IAPP: variants seen among roughly 807,000 people sequenced by gnomAD.
IAPP encodes the protein islet amyloid polypeptide.
A neutral mutation model predicts 2.9 loss-of-function variants in IAPP; 4 were observed. The ratio of observed to expected loss-of-function variants is 1.39; its 90% CI spans 0.69 to 3.19. The LOEUF (loss-of-function observed/expected upper bound fraction) is 3.19, where lower values mean the gene tolerates loss of function less well. IAPP is among the 30% of genes most tolerant of loss of function. The pLI is 0.01. For synonymous variants in IAPP, 40 were observed against 42.1 expected, an observed-to-expected ratio of 0.95 and a Z score of 0.19; for missense variants, 114 against 105.3, an observed-to-expected ratio of 1.08 and a Z score of -0.36.
At chr12:21,373,141 G>A in intron 1 of IAPP, 137 bp downstream of exon 1, 1 of 589,578 alleles carries the variant, frequency 1.7e-6, no homozygotes, top group Non-Finnish European at 3.0e-6. Flanking sequence ...GCTTAGAGAA[G>A]GAAATTGGGA....
intron 1 of IAPP, among the ~76,000 whole-genome samples, chr12:21,364,157 T>G (rs1939176511): frequency 6.6e-6 from 1 of 152,180 alleles, no homozygotes. Context: ...AATAAAATAC[T>G]GGCAAACCGA....
At chr12:21,375,788 C>T (rs1000045618) in intron 2 of IAPP, among the ~76,000 whole-genome samples, 2 of 152,144 alleles carry the variant, frequency 1.3e-5, no homozygotes, top group African/African-American at 4.8e-5. Context: ...GGCTTATTGT[C>T]ATCTCTGTTT....
At chr12:21,371,315 G>C (rs1017326011), upstream of IAPP, among the ~76,000 whole-genome samples, 1 of 152,150 alleles carries the variant, frequency 6.6e-6, no homozygotes, top group Non-Finnish European at 1.5e-5. Flanking sequence ...CCTGCCTCTG[G>C]AGTCTAGTCC....
chr12:21,362,462 C>A (rs1172113561), intron 1 of IAPP, among the ~76,000 whole-genome samples: 6 of 152,096 alleles, frequency 3.9e-5, no homozygotes, highest in Non-Finnish European at 5.9e-5. Flanking sequence ...ATTGTAAAGA[C>A]CATTGGTACT....
chr12:21,367,580 G>A (rs1292964315), intron 1 of IAPP, among the ~76,000 whole-genome samples: 3 of 151,742 alleles, frequency 2.0e-5, no homozygotes, highest in African/African-American at 7.3e-5. Context: ...GCCTAAAACT[G>A]AACAATCGAA....
intron 2 of IAPP, chr12:21,376,450 G>A (rs143743430): frequency 5.3e-6 from 1 of 189,416 alleles, no homozygotes; most frequent in African/African-American, 2.4e-5. Context: ...ATGTACATTG[G>A]TCATATTTAT....
chr12:21,362,677 T>A (rs932492589), intron 1 of IAPP, among the ~76,000 whole-genome samples: 4 of 152,046 alleles, frequency 2.6e-5, no homozygotes, highest in Non-Finnish European at 4.4e-5. Context: ...GAGACACGCA[T>A]AGGCTCAAAA....
intron 1 of IAPP, among the ~76,000 whole-genome samples, chr12:21,358,803 A>C (rs1565514467): frequency 6.6e-6 from 1 of 152,218 alleles, no homozygotes. Flanking sequence ...ATTCTAATAC[A>C]TAAGTCTAAA....
At chr12:21,365,334 G>A (rs1453777681) in intron 1 of IAPP, among the ~76,000 whole-genome samples, 3 of 152,168 alleles carry the variant, frequency 2.0e-5, no homozygotes, top group Admixed American at 1.3e-4. Context: ...TGGGAAAACT[G>A]GCTAGCCATA....
chr12:21,378,528 T>C lies in IAPP; in HGVS notation c.*102T>C, dbSNP rs1940375893. On this transcript the variant is annotated 3_prime_UTR_variant, in exon 3 of 3. Transcript: ENST00000240652. ...CCAGTGTGAATATATGGTCTGTGTG[T>C]CTGATGTTTGTTGCTAGGACATATA... is the stretch of plus-strand genomic sequence containing the variant. 1 of 996,862 alleles carries C rather than the reference T, an allele frequency of 1.0e-6. No homozygotes were observed. Among genetic ancestry groups the C allele is most frequent in the Admixed American group, 1.8e-5 (1 of 55,410 alleles). 61.8% of individuals were successfully genotyped at this position (996,862 alleles called of 1,614,324 possible). A position where few individuals can be genotyped will look rare whatever the true frequency, so the allele number is the denominator to read the frequency against.
chr12:21,368,034 T>A (rs937986536), upstream of IAPP, among the ~76,000 whole-genome samples: 18 of 152,118 alleles, frequency 1.2e-4, no homozygotes, highest in African/African-American at 4.3e-4. Flanking sequence ...CAGGCAATTA[T>A]CAGCAAAGAT....
At chr12:21,370,456 T>C (rs1939698411), upstream of IAPP, among the ~76,000 whole-genome samples, 1 of 150,554 alleles carries the variant, frequency 6.6e-6, no homozygotes, top group East Asian at 2.0e-4. Context: ...ATTAGGTATA[T>C]CTCCTAATGC....
intron 1 of IAPP, among the ~76,000 whole-genome samples, chr12:21,363,875 T>C (rs1233764074): frequency 6.6e-5 from 10 of 152,104 alleles, no homozygotes; most frequent in Admixed American, 6.5e-4. Flanking sequence ...AATAGACCAA[T>C]AACAGGTTCT....
chr12:21,376,366 T>A, intron 2 of IAPP: 1 of 363,368 alleles, frequency 2.8e-6, no homozygotes. Context: ...TCAAGAAAAG[T>A]AAGTATTTTA....
At chr12:21,368,045 T>C (rs1207330307), upstream of IAPP, among the ~76,000 whole-genome samples, 1 of 152,142 alleles carries the variant, frequency 6.6e-6, no homozygotes, top group Non-Finnish European at 1.5e-5. Flanking sequence ...CAGCAAAGAT[T>C]GCTAAAACCA....
At chr12:21,362,624 G>A (rs1489220494) in intron 1 of IAPP, among the ~76,000 whole-genome samples, 1 of 152,134 alleles carries the variant, frequency 6.6e-6, no homozygotes, top group African/African-American at 2.4e-5. Flanking sequence ...AAAGAGTCAA[G>A]ACGCATCAGT....
chr12:21,376,913 T>C (rs920140980), intron 2 of IAPP, among the ~76,000 whole-genome samples: 1 of 152,134 alleles, frequency 6.6e-6, no homozygotes, highest in East Asian at 1.9e-4. Context: ...AACTAAAACA[T>C]TTCTCTAACT....
intron 2 of IAPP, among the ~76,000 whole-genome samples, chr12:21,377,839 T>A (rs930375714): frequency 4.6e-5 from 7 of 152,192 alleles, no homozygotes; most frequent in African/African-American, 1.7e-4. Flanking sequence ...GTAGAAATAA[T>A]TATTTTTAAA....
At chr12:21,372,454 T>C (rs1939868986), upstream of IAPP, among the ~76,000 whole-genome samples, 1 of 152,210 alleles carries the variant, frequency 6.6e-6, no homozygotes, top group Admixed American at 6.5e-5. Flanking sequence ...TTTATGCCCT[T>C]TTTATACACC....
Sources: gnomAD v4.1 joint callset for allele counts (sites outside exome capture counted in the v4.1 genomes callset) on GRCh38, gnomAD v4.1.1 for gene constraint, MANE v1.5 for transcripts, NCBI Gene and HGNC (gene_info 2026-07-23, HGNC 2026-07-21) for gene names.